Variants in FNIP1 observed in about 807,000 individuals in gnomAD.
The protein encoded by FNIP1 is folliculin interacting protein 1, also known as folliculin-interacting protein 1.
Under a neutral mutation model 124.5 loss-of-function variants are expected in FNIP1, and 40 were observed. The ratio of observed to expected loss-of-function variants is 0.32; its 90% CI spans 0.25 to 0.42. The LOEUF is 0.42. FNIP1 is among the 10% of genes least tolerant of loss of function. FNIP1 has a pLI of 1.00. For synonymous variants in FNIP1, 472 were observed against 470.6 expected (o/e 1.00, Z -0.04); for missense variants, 1,176 against 1,403.7 (o/e 0.84, Z 2.59).
In FNIP1 at chr5:131,719,407, C is replaced by A. The variant is rs768524605; in HGVS notation, c.365G>T (p.Cys122Phe). The part of the protein sequence containing the change: ...DQCLKYQGSR[C>F]SSDANMLGEM... ...TCCAAGCATATTGGCATCAGAAGAG[C>A]ACCGAGAACCCTAAACAATAACCAC... is the stretch of plus-strand genomic sequence containing the variant. The change falls in exon 4 of 18, where the codon TGC (cysteine) becomes TTC (phenylalanine). Residue 122 changes from cysteine to phenylalanine, a missense_variant. By Grantham distance (205) the Cys-to-Phe change is radical (BLOSUM62 -2). Around this residue, in one of 2 missense-constraint regions of FNIP1, gnomAD observed 1,109 missense variants for 1,288.5 expected, o/e 0.86. Coordinates refer to ENST00000510461, the MANE Select transcript of FNIP1 (RefSeq NM_133372.3). The A allele has an allele frequency of 6.2e-7, 1 of 1,610,686 alleles. No homozygotes were observed. Among genetic ancestry groups the A allele is most frequent in the Non-Finnish European group, 8.5e-7 (1 of 1,179,152 alleles).
At chr5:131,708,218 A>G (rs1769179391) in intron 8 of FNIP1, among the ~76,000 whole-genome samples, 1 of 152,232 alleles carries the variant, frequency 6.6e-6, no homozygotes, top group Non-Finnish European at 1.5e-5. Context: ...AATTTTTTAT[A>G]AAACTTCTCT....
chr5:131,722,878 G>A (rs968296130), intron 3 of FNIP1, among the ~76,000 whole-genome samples: 19 of 152,138 alleles, frequency 1.2e-4, no homozygotes, highest in Non-Finnish European at 1.5e-4. Context: ...TAGAGACAGG[G>A]ATTCACCATT....
intron 2 of FNIP1, among the ~76,000 whole-genome samples, chr5:131,737,818 T>C (rs1770364923): frequency 6.6e-6 from 1 of 152,244 alleles, no homozygotes. Context: ...CTTTCTCCTG[T>C]TAGATTCTTA....
At chr5:131,692,746 G>C (rs929391507) in intron 11 of FNIP1, among the ~76,000 whole-genome samples, 2 of 152,106 alleles carry the variant, frequency 1.3e-5, no homozygotes, top group Non-Finnish European at 2.9e-5. Context: ...GAGGGCTCAT[G>C]CATGTAATCC....
At chr5:131,705,150 GAT>G (rs1397690581) in intron 9 of FNIP1, among the ~76,000 whole-genome samples, 2 of 152,008 alleles carry the variant, frequency 1.3e-5, no homozygotes, top group Non-Finnish European at 2.9e-5. Context: ...CTCCAAAAAA[GAT>G]ATACAAATAG....
chr5:131,752,959 C>A (rs754538855), intron 1 of FNIP1, among the ~76,000 whole-genome samples: 2 of 152,122 alleles, frequency 1.3e-5, no homozygotes, highest in Non-Finnish European at 2.9e-5. Context: ...GTAATCCCAG[C>A]TACTTGGGAG....
At chr5:131,747,315 C>T (rs1770716090) in intron 1 of FNIP1, among the ~76,000 whole-genome samples, 1 of 152,190 alleles carries the variant, frequency 6.6e-6, no homozygotes, top group Non-Finnish European at 1.5e-5. Flanking sequence ...CAACATAAAA[C>T]ATCTTCATCC....
intron 1 of FNIP1, among the ~76,000 whole-genome samples, chr5:131,782,476 G>T (rs1017551108): frequency 2.6e-5 from 4 of 152,144 alleles, no homozygotes; most frequent in African/African-American, 9.7e-5. Flanking sequence ...GGCTGACGTG[G>T]GAGGCTTGAG....
At chr5:131,657,976 G>A (rs1727598543) in intron 15 of FNIP1, among the ~76,000 whole-genome samples, 1 of 149,878 alleles carries the variant, frequency 6.7e-6, no homozygotes, top group Non-Finnish European at 1.5e-5. Flanking sequence ...GGGAGGCGGA[G>A]CCTGCAGTGA....
At chr5:131,700,891 A>G (rs1284349188) in intron 10 of FNIP1, among the ~76,000 whole-genome samples, 1 of 152,242 alleles carries the variant, frequency 6.6e-6, no homozygotes, top group East Asian at 1.9e-4. Flanking sequence ...ATGTAAAAGC[A>G]TTCATTTAAT....
intron 16 of FNIP1, among the ~76,000 whole-genome samples, chr5:131,649,750 A>G (rs1315104766): frequency 6.6e-6 from 1 of 152,144 alleles, no homozygotes; most frequent in Non-Finnish European, 1.5e-5. Flanking sequence ...ATTATCCCCT[A>G]GGTTTTCTTG....
At chr5:131,667,719 G>A (rs1341457282) in intron 15 of FNIP1, among the ~76,000 whole-genome samples, 1 of 152,168 alleles carries the variant, frequency 6.6e-6, no homozygotes, top group Non-Finnish European at 1.5e-5. Flanking sequence ...CTCCCAAGCA[G>A]CTGGGATTAC....
intron 1 of FNIP1, among the ~76,000 whole-genome samples, chr5:131,773,890 A>G (rs1374766963): frequency 6.6e-6 from 1 of 152,222 alleles, no homozygotes; most frequent in Non-Finnish European, 1.5e-5. Context: ...AGTCATTCTT[A>G]ATCTCATTCT....
chr5:131,684,196 A>T (rs1177659344), intron 11 of FNIP1, among the ~76,000 whole-genome samples: 1 of 152,250 alleles, frequency 6.6e-6, no homozygotes, highest in Non-Finnish European at 1.5e-5. Context: ...TAACAGTATG[A>T]GAATTAAAAC....
chr5:131,700,537 G>A (rs972382432), intron 10 of FNIP1, among the ~76,000 whole-genome samples: 1 of 152,276 alleles, frequency 6.6e-6, no homozygotes, highest in African/African-American at 2.4e-5. Context: ...GAGGGTGAAA[G>A]TGAAACACGC....
Position 131,672,079 on chromosome 5 carries a change from C to T in FNIP1, c.2365G>A (p.Gly789Arg). ...HHTKPLKEER[G>R]AIDQHQETKQ... Reference sequence around the variant, plus strand: ...GTTTCTTGATGCTGATCAATAGCCCCTCTTTCTTCCTTCAATGGTTTGGTG... The same window carrying T: ...GTTTCTTGATGCTGATCAATAGCCCTTCTTTCTTCCTTCAATGGTTTGGTG... The change falls in exon 14 of 18, where the codon GGG becomes AGG. Residue 789 changes from glycine to arginine, a missense_variant. Physicochemically the swap from Gly to Arg is moderately radical, Grantham distance 125. Transcript: ENST00000510461. The T allele has an allele frequency of 1.9e-6, 3 of 1,614,196 alleles. No homozygotes were observed. The highest frequency in any genetic ancestry group is 2.5e-6 in the Non-Finnish European group (3 of 1,180,038).
intron 1 of FNIP1, among the ~76,000 whole-genome samples, chr5:131,761,484 C>A (rs1771229425): frequency 6.6e-6 from 1 of 152,128 alleles, no homozygotes; most frequent in Middle Eastern, 3.4e-3. Context: ...AGTGACCAAT[C>A]TGAAAAAAGG....
chr5:131,654,935 TATTC>T (rs1274591109), intron 15 of FNIP1, among the ~76,000 whole-genome samples: 1 of 152,238 alleles, frequency 6.6e-6, no homozygotes, highest in Non-Finnish European at 1.5e-5. Flanking sequence ...TTCAAATATT[TATTC>T]ATCTCTTGCC....
chr5:131,689,782 C>G (rs928550468), intron 11 of FNIP1, among the ~76,000 whole-genome samples: 14 of 152,112 alleles, frequency 9.2e-5, no homozygotes, highest in African/African-American at 3.4e-4. Context: ...AAAACTATTA[C>G]AAATATGATA....
Sources: allele counts gnomAD v4.1 joint callset (sites outside exome capture counted in the v4.1 genomes callset), GRCh38; gene constraint gnomAD v4.1.1; regional missense constraint gnomAD v4.1.1; transcripts MANE v1.5; gene names NCBI Gene and HGNC (gene_info 2026-07-23, HGNC 2026-07-21).